LDB2: variants seen among roughly 807,000 people sequenced by gnomAD.
LDB2 encodes LIM domain binding 2.
A neutral mutation model predicts 44.3 loss-of-function variants in LDB2; 12 were observed. The observed-to-expected ratio is 0.27, with a 90% CI of 0.17 to 0.44. LDB2 has a LOEUF of 0.44. Ranked by LOEUF, LDB2 falls within the 20% of genes least tolerant of loss-of-function variation. The pLI is 1.00. For synonymous variants in LDB2, 164 were observed against 174.8 expected, an observed-to-expected ratio of 0.94 and a Z score of 0.49; for missense variants, 344 against 473.5, an observed-to-expected ratio of 0.73 and a Z score of 2.54.
chr4:16,567,911 GCA>G (rs1002008379), intron 5 of LDB2, among the ~76,000 whole-genome samples: 27 of 152,220 alleles, frequency 1.8e-4, no homozygotes, highest in African/African-American at 6.0e-4. Flanking sequence ...GCAGTGTTTG[GCA>G]CAGAGTCATC....
chr4:16,745,466 T>A (rs573388394), intron 2 of LDB2, among the ~76,000 whole-genome samples: 3 of 152,218 alleles, frequency 2.0e-5, no homozygotes, highest in Admixed American at 6.5e-5. Context: ...ATCCAAAGTT[T>A]AGCAAATTCA....
chr4:16,897,022 A>G (rs1035040452), intron 1 of LDB2, among the ~76,000 whole-genome samples: 4 of 152,236 alleles, frequency 2.6e-5, no homozygotes, highest in African/African-American at 9.6e-5. Context: ...CATATAAAGA[A>G]AACAGCAGTC....
At chr4:16,861,903 G>A (rs946590779) in intron 1 of LDB2, among the ~76,000 whole-genome samples, 1 of 152,180 alleles carries the variant, frequency 6.6e-6, no homozygotes, top group African/African-American at 2.4e-5. Flanking sequence ...TACTCCCTAG[G>A]TGCTCAAGAG....
chr4:16,502,962 G>A (rs1717902501), intron 7 of LDB2, 89 bp from the exon 8 acceptor site: 1 of 1,602,718 alleles, frequency 6.2e-7, no homozygotes, highest in South Asian at 1.1e-5. Flanking sequence ...GGGGAATCTA[G>A]GACAGACACA....
At chr4:16,878,229 G>T (rs1718997199) in intron 1 of LDB2, among the ~76,000 whole-genome samples, 2 of 152,140 alleles carry the variant, frequency 1.3e-5, no homozygotes, top group Admixed American at 6.5e-5. Context: ...ATTTCCAATG[G>T]ATTCTGGGAA....
chr4:16,828,191 A>G (rs1251528409), intron 1 of LDB2, among the ~76,000 whole-genome samples: 3 of 152,170 alleles, frequency 2.0e-5, no homozygotes, highest in Admixed American at 6.5e-5. Context: ...GTGGCAAACC[A>G]TCGTCTTAGG....
At chr4:16,572,255 AG>A (rs1330631022) in intron 5 of LDB2, among the ~76,000 whole-genome samples, 2 of 152,130 alleles carry the variant, frequency 1.3e-5, no homozygotes, top group Admixed American at 1.3e-4. Flanking sequence ...TAACCATTCT[AG>A]ACAATTGGGA....
intron 1 of LDB2, among the ~76,000 whole-genome samples, chr4:16,816,407 C>CTTTTTTTTTTTTTTTTTTTTTTTTTTTTT (rs1171864969): frequency 2.5e-5 from 3 of 121,022 alleles, no homozygotes; most frequent in Non-Finnish European, 3.4e-5. Flanking sequence ...CTTTTTCTTT[C>CTTTTTTTTTTTTTTTTTTTTTTTTTTTTT]TTTTTTTTTT....
intron 3 of LDB2, 127 bp downstream of exon 3, chr4:16,595,576 C>G: frequency 1.3e-6 from 1 of 754,032 alleles, no homozygotes; most frequent in Non-Finnish European, 2.2e-6. Context: ...GAAAGATTCT[C>G]TCATGGTGTT....
In LDB2 at chr4:16,595,688, G is replaced by A. The variant is rs769265958; in HGVS notation, c.408+15C>T. 8 of 1,609,216 alleles carry A rather than the reference G, an allele frequency of 5.0e-6. No individual in the cohort carries two copies. The Admixed American group carries it at 5.0e-5, about 10-fold the overall frequency. ...AGTAGGAAAAGCCGGGCATGTGACA[G>A]AGCCTGTCCTGTACCTTGGTAAACA... On this transcript the variant is annotated intron_variant, in intron 3 of 7. Transcript: ENST00000304523.
intron 5 of LDB2, among the ~76,000 whole-genome samples, chr4:16,525,465 C>T (rs961638698): frequency 6.6e-6 from 1 of 152,224 alleles, no homozygotes; most frequent in African/African-American, 2.4e-5. Flanking sequence ...GCCCTCTCCC[C>T]TCCCAGGGAT....
chr4:16,579,144 TAA>T (rs1050261892), intron 5 of LDB2, among the ~76,000 whole-genome samples: 3 of 146,544 alleles, frequency 2.0e-5, no homozygotes, highest in African/African-American at 8.3e-5. Context: ...AGTAAAAAAA[TAA>T]TTTAATTGTT....
intron 1 of LDB2, among the ~76,000 whole-genome samples, chr4:16,849,668 G>A (rs1157560443): frequency 6.6e-6 from 1 of 152,150 alleles, no homozygotes; most frequent in African/African-American, 2.4e-5. Context: ...ACTGTTTCCT[G>A]TTTGTCAAAA....
chr4:16,755,543 C>A (rs1312318655), intron 2 of LDB2, among the ~76,000 whole-genome samples: 2 of 26,668 alleles, frequency 7.5e-5, no homozygotes, highest in African/African-American at 1.9e-4. Context: ...GAGAGAGAGA[C>A]AGACAGACAG....
chr4:16,505,385 G>C (rs1718980727), intron 7 of LDB2, among the ~76,000 whole-genome samples: 1 of 152,094 alleles, frequency 6.6e-6, no homozygotes, highest in African/African-American at 2.4e-5. Context: ...GTATGTGTTT[G>C]TGTGCGTGCA....
chr4:16,622,471 T>C (rs537167871), intron 2 of LDB2, among the ~76,000 whole-genome samples: 1 of 152,146 alleles, frequency 6.6e-6, no homozygotes, highest in Non-Finnish European at 1.5e-5. Context: ...TCATCCAAGG[T>C]CTCTTGAGAC....
At chr4:16,693,180 A>T (rs1389371460) in intron 2 of LDB2, among the ~76,000 whole-genome samples, 1 of 152,134 alleles carries the variant, frequency 6.6e-6, no homozygotes, top group African/African-American at 2.4e-5. Flanking sequence ...ATACAGTGTG[A>T]ATCAAAGGCC....
At chr4:16,723,907 C>T (rs1579082723) in intron 2 of LDB2, among the ~76,000 whole-genome samples, 1 of 152,138 alleles carries the variant, frequency 6.6e-6, no homozygotes, top group East Asian at 1.9e-4. Flanking sequence ...GTCAATGACA[C>T]TTGCTACCAC....
chr4:16,541,407 A>G (rs1318517951), intron 5 of LDB2, among the ~76,000 whole-genome samples: 2 of 152,186 alleles, frequency 1.3e-5, no homozygotes, highest in African/African-American at 4.8e-5. Flanking sequence ...CCTCCTCAGA[A>G]GCCAAGCAGA....
Sources: allele counts gnomAD v4.1 joint callset (sites outside exome capture counted in the v4.1 genomes callset), GRCh38; gene constraint gnomAD v4.1.1; transcripts MANE v1.5; gene names NCBI Gene and HGNC (gene_info 2026-07-23, HGNC 2026-07-21).